Variants in NPNT observed in about 807,000 individuals in gnomAD.
The protein encoded by NPNT is nephronectin, also known as preosteoblast EGF-like repeat protein with MAM domain.
NPNT carries 45 observed loss-of-function variants against 68.6 expected under a neutral mutation model. The observed-to-expected ratio is 0.66, with a 90% CI of 0.52 to 0.84. The LOEUF is 0.84. Among genes scored for constraint, NPNT ranks in the 40% least tolerant of loss-of-function variants. The pLI is 0.00. For synonymous variants in NPNT, 233 were observed against 253.3 expected, an observed-to-expected ratio of 0.92 and a Z score of 0.76; for missense variants, 672 against 714.8, an observed-to-expected ratio of 0.94 and a Z score of 0.68.
intron 1 of NPNT, among the ~76,000 whole-genome samples, chr4:105,897,505 G>C (rs1171924091): frequency 6.6e-6 from 1 of 152,174 alleles, no homozygotes; most frequent in Non-Finnish European, 1.5e-5. Flanking sequence ...AGTTTATGGT[G>C]AATCAGTCAA....
At chr4:105,909,433 A>G (rs1355774635) in intron 2 of NPNT, among the ~76,000 whole-genome samples, 1 of 152,204 alleles carries the variant, frequency 6.6e-6, no homozygotes, top group Non-Finnish European at 1.5e-5. Flanking sequence ...ATGTTTTTTG[A>G]AACAATTACT....
In NPNT at chr4:105,898,296, CTCTCTCTCTCTCTCTG is replaced by C. The variant is rs1560881577; in HGVS notation, c.172+327_172+342del. 3.4e-3 allele frequency among the ~76,000 whole-genome samples: 435 copies of C among 126,878 alleles called. 2 individuals carry two copies. The highest frequency in any genetic ancestry group is 0.011 in the African/African-American group (275 of 25,128). 83.2% of individuals were successfully genotyped at this position (126,878 alleles called of 152,430 possible). On this transcript the variant is annotated intron_variant, in intron 2 of 11. Coordinates refer to ENST00000379987, the MANE Select transcript of NPNT (RefSeq NM_001033047.3). ...GTTTTCTTACCAGGTTTATTTCTCT[CTCTCTCTCTCTCTCTG>C]TCTCTCTCTCTCTCTGTCTCTCTCT...
chr4:105,910,865 A>G (rs1234774917), intron 2 of NPNT, among the ~76,000 whole-genome samples: 1 of 152,168 alleles, frequency 6.6e-6, no homozygotes, highest in African/African-American at 2.4e-5. Flanking sequence ...CTGTTTGGCT[A>G]TTTGGTACTA....
At chr4:105,956,143 A>G (rs917605823) in intron 8 of NPNT, among the ~76,000 whole-genome samples, 2 of 109,620 alleles carry the variant, frequency 1.8e-5, no homozygotes, top group Admixed American at 9.2e-5. Flanking sequence ...TTGTGTTGCC[A>G]TCTTCTAACT....
intron 2 of NPNT, 74 bp from the exon 3 acceptor site, chr4:105,927,262 A>G: frequency 1.1e-6 from 1 of 878,150 alleles, no homozygotes; most frequent in Non-Finnish European, 1.8e-6. Flanking sequence ...TTATTAAACT[A>G]GTGCACGACA....
rs370769428 is a variant in NPNT at position 105,967,375 on chromosome 4, G to A, written c.1533G>A (p.Leu511=). 42 of 1,607,440 alleles carry A rather than the reference G, an allele frequency of 2.6e-5. No homozygotes were observed. In the African/African-American group the frequency reaches 5.2e-4, roughly 20 times the overall value. Residue 511 remains leucine, a synonymous_variant, in exon 11 of 12, where the codon CTG becomes CTA. Coordinates refer to ENST00000379987, the MANE Select transcript of NPNT (RefSeq NM_001033047.3). ...AACACGGTGCCCACGGAGCAGCCCT[G>A]TGGGGAAGAAATGGTGGCCATGGCT... The part of the protein sequence containing the change: ...VRKHGAHGAA[L]WGRNGGHGWR...
chr4:105,912,370 A>G (rs1352815475), intron 2 of NPNT: 4 of 672,098 alleles, frequency 6.0e-6, no homozygotes, highest in East Asian at 2.8e-5. Context: ...TAGGAAAACT[A>G]TATTTCTTAG....
intron 2 of NPNT, among the ~76,000 whole-genome samples, chr4:105,916,453 C>T (rs963808739): frequency 6.6e-6 from 1 of 151,792 alleles, no homozygotes; most frequent in Non-Finnish European, 1.5e-5. Flanking sequence ...AACTCCTGAG[C>T]TCAAGCAATC....
Position 105,938,287 on chromosome 4 carries a change from C to A in NPNT, c.386-14C>A. ...TTTCTACCTGTCTGAGTCAGCCAGT[C>A]ACTCTCTTTCCAGGTGCCCTGACCT... On this transcript the variant is annotated splice_polypyrimidine_tract_variant and intron_variant, in intron 4 of 11. Transcript: ENST00000379987. 6.2e-7 allele frequency: 1 copy of A among 1,610,210 alleles called. No individual in the cohort carries two copies. The highest frequency in any genetic ancestry group is 1.1e-5 in the South Asian group (1 of 90,256).
At chr4:105,966,400 C>T (rs1732141376) in intron 10 of NPNT, among the ~76,000 whole-genome samples, 1 of 152,106 alleles carries the variant, frequency 6.6e-6, no homozygotes, top group African/African-American at 2.4e-5. Context: ...GATCTGAGAA[C>T]ATCATCAAAG....
intron 7 of NPNT, 129 bp downstream of exon 7, chr4:105,940,765 C>G: frequency 3.6e-6 from 3 of 829,672 alleles, no homozygotes; most frequent in South Asian, 3.7e-5. Context: ...TTATATTTGT[C>G]TTTGATTTCC....
chr4:105,899,022 A>G (rs1270308380), intron 2 of NPNT, among the ~76,000 whole-genome samples: 5 of 152,166 alleles, frequency 3.3e-5, no homozygotes, highest in Non-Finnish European at 5.9e-5. Context: ...AGAGCTGGCA[A>G]TGGAGAAGCC....
intron 1 of NPNT, among the ~76,000 whole-genome samples, chr4:105,897,489 C>T (rs1725957180): frequency 6.6e-6 from 1 of 152,170 alleles, no homozygotes; most frequent in Admixed American, 6.5e-5. Context: ...TTACTTAATA[C>T]TTTTCAGTTT....
At position 105,895,491 on chromosome 4, in the gene NPNT, C is replaced by A; in HGVS notation, c.-162C>A. The A allele has an allele frequency of 1.7e-6, 1 of 603,862 alleles. No homozygotes were observed. The allele number at this position is 603,862 out of a possible 1,614,324, so 37.4% of individuals were successfully genotyped here. A position where few individuals can be genotyped will look rare whatever the true frequency, so the allele number is the denominator to read the frequency against. On this transcript the variant is annotated 5_prime_UTR_variant, in exon 1 of 12. Coordinates refer to ENST00000379987, the MANE Select transcript of NPNT (RefSeq NM_001033047.3). ...GCGCCGCGCAGCAGACCTGCTCCGGCCGCGCGCCTCGCCGCTGTCCTCCGG... is the reference window on the plus strand; with the variant it reads ...GCGCCGCGCAGCAGACCTGCTCCGGACGCGCGCCTCGCCGCTGTCCTCCGG...
At chr4:105,940,404 T>C (rs1370638997) in intron 6 of NPNT, 110 bp from the exon 7 acceptor site, 5 of 1,137,716 alleles carry the variant, frequency 4.4e-6, no homozygotes. Flanking sequence ...GCCAATATTA[T>C]GTAGATCATC....
At chr4:105,909,363 A>G (rs2149328314) in intron 2 of NPNT, among the ~76,000 whole-genome samples, 1 of 152,294 alleles carries the variant, frequency 6.6e-6, no homozygotes. Context: ...CTTGGTGTCT[A>G]TGTATGGCCA....
chr4:105,914,496 GGA>G (rs1206395730), intron 2 of NPNT, among the ~76,000 whole-genome samples: 1 of 138,498 alleles, frequency 7.2e-6, no homozygotes, highest in African/African-American at 2.7e-5. Context: ...GAGAGATAAT[GGA>G]GAGAGAGAGC....
At chr4:105,953,910 A>C (rs980962291) in intron 8 of NPNT, among the ~76,000 whole-genome samples, 1 of 152,182 alleles carries the variant, frequency 6.6e-6, no homozygotes, top group African/African-American at 2.4e-5. Context: ...ACCTTTACTA[A>C]ATAATGCTTA....
At chr4:105,966,204 G>A (rs911278376) in intron 10 of NPNT, among the ~76,000 whole-genome samples, 9 of 152,172 alleles carry the variant, frequency 5.9e-5, no homozygotes, top group Non-Finnish European at 7.4e-5. Flanking sequence ...CATACAGTGT[G>A]TTTTCAGTTG....
Sources: gnomAD v4.1 joint callset for allele counts (sites outside exome capture counted in the v4.1 genomes callset) on GRCh38, gnomAD v4.1.1 for gene constraint, MANE v1.5 for transcripts, NCBI Gene and HGNC (gene_info 2026-07-23, HGNC 2026-07-21) for gene names.